The following SGPP2 variants were observed in gnomAD, a reference collection of about 807,000 sequenced individuals.
SGPP2 encodes sphingosine 1-phosphate phosphohydrolase 2.
A neutral mutation model predicts 33.9 loss-of-function variants in SGPP2; 30 were observed. That is an observed-to-expected ratio of 0.89 (90% CI 0.66 to 1.20). The LOEUF (loss-of-function observed/expected upper bound fraction) is 1.20. SGPP2 is among the 50% of genes most tolerant of loss of function. SGPP2 has a pLI of 0.00. For missense variants in SGPP2, 458 were observed against 532.1 expected (o/e 0.86, Z 1.37); for synonymous variants, 233 against 225.0 (o/e 1.04, Z -0.32).
At chr2:222,540,368 T>C (rs1698973608) in intron 4 of SGPP2, among the ~76,000 whole-genome samples, 1 of 152,226 alleles carries the variant, frequency 6.6e-6, no homozygotes, top group Non-Finnish European at 1.5e-5. Flanking sequence ...CAAAAAGTGT[T>C]GGATTTTGGG....
intron 2 of SGPP2, among the ~76,000 whole-genome samples, chr2:222,487,656 A>T (rs541030306): frequency 8.2e-4 from 125 of 152,258 alleles, no homozygotes; most frequent in African/African-American, 2.9e-3. Flanking sequence ...CAAACGAGAC[A>T]TGGGGTTTTA....
chr2:222,434,769 C>A (rs1697209387), intron 1 of SGPP2, among the ~76,000 whole-genome samples: 2 of 151,946 alleles, frequency 1.3e-5, no homozygotes, highest in African/African-American at 4.8e-5. Context: ...AATGCACAGG[C>A]TGCTGGGGTA....
At chr2:222,451,245 C>T (rs1697483344) in intron 1 of SGPP2, among the ~76,000 whole-genome samples, 2 of 151,722 alleles carry the variant, frequency 1.3e-5, no homozygotes, top group African/African-American at 4.8e-5. Context: ...AATCAATCAT[C>T]TGGAGGGATA....
chr2:222,543,096 A>T (rs1162570578), intron 4 of SGPP2, among the ~76,000 whole-genome samples: 1 of 152,190 alleles, frequency 6.6e-6, no homozygotes, highest in Non-Finnish European at 1.5e-5. Flanking sequence ...CCAGTTCATC[A>T]ATATTTACCT....
At chr2:222,445,198 C>T (rs1022491826) in intron 1 of SGPP2, among the ~76,000 whole-genome samples, 1 of 152,186 alleles carries the variant, frequency 6.6e-6, no homozygotes, top group African/African-American at 2.4e-5. Flanking sequence ...CCTCCTTGAA[C>T]CTCAGAGCAG....
At chr2:222,442,184 C>T (rs981988209) in intron 1 of SGPP2, among the ~76,000 whole-genome samples, 1 of 152,168 alleles carries the variant, frequency 6.6e-6, no homozygotes, top group Non-Finnish European at 1.5e-5. Context: ...TGTTATATCT[C>T]CTCTTCCCTC....
chr2:222,447,543 A>G (rs1469623760), intron 1 of SGPP2, among the ~76,000 whole-genome samples: 2 of 152,208 alleles, frequency 1.3e-5, no homozygotes, highest in Non-Finnish European at 2.9e-5. Context: ...TCCATAATAA[A>G]AGAGAAAATT....
At chr2:222,516,234 G>T (rs1698601444) in intron 2 of SGPP2, among the ~76,000 whole-genome samples, 2 of 152,084 alleles carry the variant, frequency 1.3e-5, no homozygotes, top group Admixed American at 1.3e-4. Flanking sequence ...ACATTTCCAA[G>T]AATTTTACGT....
intron 2 of SGPP2, among the ~76,000 whole-genome samples, chr2:222,480,709 T>A (rs765411679): frequency 2.0e-5 from 3 of 152,240 alleles, no homozygotes; most frequent in African/African-American, 4.8e-5. Context: ...TACCCGCTTA[T>A]CATCTGTGTG....
chr2:222,471,026 C>A (rs147157867), intron 1 of SGPP2, among the ~76,000 whole-genome samples: 3 of 152,232 alleles, frequency 2.0e-5, no homozygotes, highest in African/African-American at 7.2e-5. Context: ...AAACTCTACA[C>A]TTCCTTATCT....
chr2:222,451,545 T>G (rs1697489069), intron 1 of SGPP2, among the ~76,000 whole-genome samples: 1 of 152,230 alleles, frequency 6.6e-6, no homozygotes, highest in Non-Finnish European at 1.5e-5. Flanking sequence ...AGGGCTGATG[T>G]GCTGAGCCCT....
intron 2 of SGPP2, among the ~76,000 whole-genome samples, chr2:222,486,856 T>C (rs1405963306): frequency 6.6e-6 from 1 of 152,180 alleles, no homozygotes; most frequent in African/African-American, 2.4e-5. Flanking sequence ...TTTGTCTGTA[T>C]TAAACATGTT....
chr2:222,472,066 A>G (rs551148313), intron 1 of SGPP2, among the ~76,000 whole-genome samples: 1 of 152,312 alleles, frequency 6.6e-6, no homozygotes, highest in East Asian at 1.9e-4. Flanking sequence ...TCTTGTGTGT[A>G]CTTTCTGCTA....
chr2:222,532,502 G>T (rs776831425), intron 4 of SGPP2, among the ~76,000 whole-genome samples: 1 of 152,170 alleles, frequency 6.6e-6, no homozygotes, highest in East Asian at 1.9e-4. Context: ...CATTAAACCC[G>T]CATGGCTGTG....
chr2:222,541,364 C>T (rs1253091467), intron 4 of SGPP2, among the ~76,000 whole-genome samples: 1 of 152,130 alleles, frequency 6.6e-6, no homozygotes, highest in Non-Finnish European at 1.5e-5. Context: ...CTGTTTTATG[C>T]TTTGCACACT....
At chr2:222,456,520 C>T (rs756634685) in intron 1 of SGPP2, among the ~76,000 whole-genome samples, 14 of 152,210 alleles carry the variant, frequency 9.2e-5, no homozygotes, top group Admixed American at 3.3e-4. Flanking sequence ...TCATTTTCCC[C>T]GTCTCTCCTA....
At chr2:222,511,614 C>T (rs1043542010) in intron 2 of SGPP2, among the ~76,000 whole-genome samples, 2 of 152,212 alleles carry the variant, frequency 1.3e-5, no homozygotes, top group African/African-American at 4.8e-5. Context: ...CCACTTAGGG[C>T]AAGCCACACG....
Position 222,558,398 on chromosome 2 carries a change from CCTGCCTGGACCTTCATCGA to C in SGPP2, c.711_729del (p.Phe238ArgfsTer11). 6.2e-7 allele frequency: 1 copy of C among 1,614,156 alleles called. No homozygotes were observed. Among genetic ancestry groups the C allele is most frequent in the Non-Finnish European group, 8.5e-7 (1 of 1,180,040 alleles). On this transcript the variant is annotated frameshift_variant, in exon 5 of 5. Transcript: ENST00000321276. LOFTEE classifies it high-confidence loss of function. ...CGCACTCCTCATCGTCCTCACCTAC[CCTGCCTGGACCTTCATCGA>C]CTGCCTGGACTCGGCCAGCCCCCTC...
At chr2:222,514,169 C>T (rs1698570485) in intron 2 of SGPP2, among the ~76,000 whole-genome samples, 2 of 152,052 alleles carry the variant, frequency 1.3e-5, no homozygotes. Flanking sequence ...CTACACTAGG[C>T]TATTTATTTC....
Sources: gnomAD v4.1 joint callset for allele counts (sites outside exome capture counted in the v4.1 genomes callset) on GRCh38, gnomAD v4.1.1 for gene constraint, MANE v1.5 for transcripts, NCBI Gene and HGNC (gene_info 2026-07-23, HGNC 2026-07-21) for gene names.